ASIC2: variants seen among roughly 807,000 people sequenced by gnomAD.
The protein encoded by ASIC2 is acid-sensing ion channel 2.
ASIC2 carries 25 observed loss-of-function variants against 57.3 expected under a neutral mutation model. That is an observed-to-expected ratio of 0.44 (90% confidence interval 0.32 to 0.61). The LOEUF (loss-of-function observed/expected upper bound fraction) is 0.61, where lower values mean the gene tolerates loss of function less well. Among genes scored for constraint, ASIC2 ranks in the 20% least tolerant of loss-of-function variants. The probability of loss-of-function intolerance (pLI) is 0.06; values close to 1 mark genes in which losing one functional copy is unlikely to be tolerated. For missense variants in ASIC2, 641 were observed against 738.1 expected (o/e 0.87, Z 1.52); for synonymous variants, 319 against 307.5 (o/e 1.04, Z -0.39).
intron 1 of ASIC2, among the ~76,000 whole-genome samples, chr17:33,486,689 A>G (rs1246468131): frequency 1.3e-5 from 2 of 152,210 alleles, no homozygotes; most frequent in African/African-American, 4.8e-5. Flanking sequence ...GGAGACATAA[A>G]CAGCCTGAAG....
At chr17:33,305,550 T>TA (rs1287963694) in intron 1 of ASIC2, among the ~76,000 whole-genome samples, 1 of 152,092 alleles carries the variant, frequency 6.6e-6, no homozygotes, top group African/African-American at 2.4e-5. Context: ...CTAAAAAACA[T>TA]AAAAAAGATG....
intron 1 of ASIC2, among the ~76,000 whole-genome samples, chr17:33,132,337 A>T (rs1171820342): frequency 2.0e-5 from 3 of 152,186 alleles, no homozygotes; most frequent in Admixed American, 6.5e-5. Flanking sequence ...CCTCCATCTT[A>T]CAAAGGCTGT....
At chr17:33,881,559 G>GT (rs1218054781) in intron 1 of ASIC2, among the ~76,000 whole-genome samples, 1 of 152,200 alleles carries the variant, frequency 6.6e-6, no homozygotes, top group Non-Finnish European at 1.5e-5. Flanking sequence ...TACAAGGGAT[G>GT]TGAAGGACCT....
At chr17:33,992,222 T>C (rs1906021291) in intron 1 of ASIC2, among the ~76,000 whole-genome samples, 1 of 152,200 alleles carries the variant, frequency 6.6e-6, no homozygotes, top group Non-Finnish European at 1.5e-5. Flanking sequence ...ATAGACTAAG[T>C]AAAATTCTGA....
intron 1 of ASIC2, among the ~76,000 whole-genome samples, chr17:33,720,602 T>C (rs1909359385): frequency 6.6e-6 from 1 of 152,186 alleles, no homozygotes; most frequent in South Asian, 2.1e-4. Context: ...AGTAGCCTAC[T>C]GAATGAAAAA....
In ASIC2 at chr17:33,430,599, AC is replaced by A. The variant is rs140837047; in HGVS notation, c.556-318533del. Among the ~76,000 whole-genome samples, 1,434 of 152,298 alleles carry A rather than the reference AC, an allele frequency of 9.4e-3. 11 individuals are homozygous for A. Among genetic ancestry groups the A allele is most frequent in the Non-Finnish European group, 0.015 (987 of 68,018 alleles). On this transcript the variant is annotated intron_variant, in intron 1 of 9. Transcript: ENST00000359872. ...AATGCAGGGTGCTGGGGCCACAGCA[AC>A]CTGGAAAGCCCATGGTCCATCTAAT...
chr17:33,823,669 C>A (rs932689908), intron 1 of ASIC2, among the ~76,000 whole-genome samples: 6 of 152,200 alleles, frequency 3.9e-5, no homozygotes, highest in African/African-American at 1.4e-4. Context: ...CTCTATGTTG[C>A]AGGCACTGGA....
intron 1 of ASIC2, among the ~76,000 whole-genome samples, chr17:34,014,373 C>T (rs959785191): frequency 2.0e-5 from 3 of 152,158 alleles, no homozygotes; most frequent in African/African-American, 7.2e-5. Context: ...ACTCTTCCTC[C>T]CTCATCTGGC....
chr17:33,030,883 C>T (rs751664434), intron 3 of ASIC2, among the ~76,000 whole-genome samples: 21 of 152,166 alleles, frequency 1.4e-4, no homozygotes, highest in South Asian at 6.2e-4. Flanking sequence ...ATTTATTATC[C>T]GCCTTATATG....
chr17:33,526,659 T>G (rs551436279), intron 1 of ASIC2, among the ~76,000 whole-genome samples: 1,936 of 152,182 alleles, frequency 0.013, no homozygotes, highest in African/African-American at 0.045. Context: ...ATCAGGCCCT[T>G]ATACAGCCAG....
Position 34,101,804 on chromosome 17 carries a change from C to T in ASIC2, c.555+54174G>A, listed in dbSNP as rs146826239. On this transcript the variant is annotated intron_variant, in intron 1 of 9. Coordinates refer to the ASIC2 transcript ENST00000359872. ...TTTTTCTAAGGAATGCATTTTATTA[C>T]GGAAAAATTCAAACGTCTGCAAGTA... 4.5e-3 allele frequency among the ~76,000 whole-genome samples: 676 copies of T among 151,108 alleles called. 15 individuals carry two copies. Among genetic ancestry groups the T allele is most frequent in the Admixed American group, 0.035 (531 of 15,174 alleles).
intron 1 of ASIC2, among the ~76,000 whole-genome samples, chr17:33,778,211 T>C (rs1275544478): frequency 2.0e-5 from 3 of 152,160 alleles, no homozygotes; most frequent in African/African-American, 4.8e-5. Flanking sequence ...GGAGATCCTC[T>C]GTGAATACTT....
At chr17:34,116,949 C>T (rs368442743) in intron 1 of ASIC2, among the ~76,000 whole-genome samples, 16 of 151,940 alleles carry the variant, frequency 1.1e-4, no homozygotes, top group East Asian at 5.8e-4. Context: ...AATGTGTGCA[C>T]GGAAATAAGT....
chr17:33,661,291 T>A (rs1264660124), intron 1 of ASIC2, among the ~76,000 whole-genome samples: 1 of 152,222 alleles, frequency 6.6e-6, no homozygotes, highest in Admixed American at 6.5e-5. Flanking sequence ...AGTTCCTATC[T>A]TATGTGCGTT....
intron 1 of ASIC2, among the ~76,000 whole-genome samples, chr17:34,043,717 T>C (rs1447587916): frequency 1.3e-5 from 2 of 152,140 alleles, no homozygotes; most frequent in Non-Finnish European, 2.9e-5. Flanking sequence ...ATGAGCAGGG[T>C]GAGGGTTATT....
intron 3 of ASIC2, among the ~76,000 whole-genome samples, chr17:33,086,831 C>A (rs561002655): frequency 6.6e-6 from 1 of 152,278 alleles, no homozygotes; most frequent in East Asian, 1.9e-4. Context: ...TCAATAAGCA[C>A]CAGTTAGCAA....
At chr17:33,947,803 T>C (rs758708892) in intron 1 of ASIC2, among the ~76,000 whole-genome samples, 34 of 152,218 alleles carry the variant, frequency 2.2e-4, no homozygotes, top group Non-Finnish European at 4.6e-4. Flanking sequence ...CTATTTTTCT[T>C]TCTTTGTTTG....
intron 1 of ASIC2, among the ~76,000 whole-genome samples, chr17:33,412,236 C>T (rs987404248): frequency 6.6e-6 from 1 of 152,202 alleles, no homozygotes; most frequent in African/African-American, 2.4e-5. Context: ...CTGCCCAGCA[C>T]AACTGTCTAG....
chr17:33,275,970 T>A (rs573376093), intron 1 of ASIC2, among the ~76,000 whole-genome samples: 158 of 152,212 alleles, frequency 1.0e-3, no homozygotes, highest in African/African-American at 3.6e-3. Flanking sequence ...CGGAACCACA[T>A]GATAATTTTA....
Sources: gnomAD v4.1 joint callset for allele counts (sites outside exome capture counted in the v4.1 genomes callset) on GRCh38, gnomAD v4.1.1 for gene constraint, MANE v1.5 for transcripts, NCBI Gene and HGNC (gene_info 2026-07-23, HGNC 2026-07-21) for gene names.